Variants in RBFOX3 observed in about 807,000 individuals in gnomAD.
RBFOX3 encodes RNA binding protein fox-1 homolog 3.
In RBFOX3, 17 loss-of-function variants were observed where a neutral mutation model predicts 48.7. The observed-to-expected ratio is 0.35, with a 90% CI of 0.24 to 0.52. The LOEUF (loss-of-function observed/expected upper bound fraction) is 0.52. Ranked by LOEUF, RBFOX3 falls within the 20% of genes least tolerant of loss-of-function variation. The pLI is 0.94. For synonymous variants in RBFOX3, 212 were observed against 209.5 expected (o/e 1.01, Z -0.10); for missense variants, 382 against 497.5 (o/e 0.77, Z 2.21).
chr17:79,605,867 C>T (rs2093817408), intron 1 of RBFOX3, among the ~76,000 whole-genome samples: 1 of 152,156 alleles, frequency 6.6e-6, no homozygotes, highest in African/African-American at 2.4e-5. Context: ...CGAGCCCTGG[C>T]CCCAACCTAC....
At position 79,280,187 on chromosome 17, in the gene RBFOX3, C is replaced by T. The variant is rs368055638; in HGVS notation, c.-74+27537G>A. 3.6e-3 allele frequency among the ~76,000 whole-genome samples: 541 copies of T among 150,916 alleles called. 4 individuals are homozygous for T. Among genetic ancestry groups the T allele is most frequent in the African/African-American group, 0.013 (523 of 40,988 alleles). ...CGCACACACCACTCACACACACATG[C>T]ACACTTATACACACCACACACTCAC... On this transcript the variant is annotated intron_variant, in intron 3 of 14. Transcript: ENST00000693108.
chr17:79,236,603 C>T (rs2061667846), intron 3 of RBFOX3, among the ~76,000 whole-genome samples: 1 of 152,176 alleles, frequency 6.6e-6, no homozygotes, highest in Admixed American at 6.5e-5. Flanking sequence ...TAAATCCCAC[C>T]AAACACATAA....
intron 4 of RBFOX3, among the ~76,000 whole-genome samples, chr17:79,177,467 C>T (rs1408550434): frequency 1.3e-5 from 2 of 152,182 alleles, no homozygotes; most frequent in African/African-American, 4.8e-5. Context: ...TGCATGGCTG[C>T]AGCGTTCTCC....
chr17:79,445,298 C>T (rs1002386161), intron 2 of RBFOX3, among the ~76,000 whole-genome samples: 2 of 152,076 alleles, frequency 1.3e-5, no homozygotes, highest in Non-Finnish European at 2.9e-5. Context: ...GTCCCACTGC[C>T]CAGTGGGAAT....
At chr17:79,321,920 G>C (rs972915292) in intron 2 of RBFOX3, among the ~76,000 whole-genome samples, 4 of 152,120 alleles carry the variant, frequency 2.6e-5, no homozygotes. Flanking sequence ...TGGCCAGACT[G>C]GTCTTGAACT....
At chr17:79,501,234 C>T (rs2082338051) in intron 1 of RBFOX3, among the ~76,000 whole-genome samples, 1 of 152,214 alleles carries the variant, frequency 6.6e-6, no homozygotes, top group Admixed American at 6.5e-5. Flanking sequence ...TTGAGCAATA[C>T]GCTCCAGCCT....
At chr17:79,578,048 T>C (rs980543099) in intron 1 of RBFOX3, among the ~76,000 whole-genome samples, 1 of 152,208 alleles carries the variant, frequency 6.6e-6, no homozygotes, top group Non-Finnish European at 1.5e-5. Context: ...GTGTCCTCAC[T>C]TCCTCGGCCT....
intron 1 of RBFOX3, among the ~76,000 whole-genome samples, chr17:79,597,279 C>T (rs1240267046): frequency 1.3e-5 from 2 of 152,192 alleles, no homozygotes; most frequent in Admixed American, 6.5e-5. Flanking sequence ...CTGGTCTTGC[C>T]AGCCCAGCTG....
chr17:79,370,137 A>G (rs1485006345), intron 2 of RBFOX3, among the ~76,000 whole-genome samples: 1 of 152,198 alleles, frequency 6.6e-6, no homozygotes, highest in African/African-American at 2.4e-5. Flanking sequence ...TCATCACCAG[A>G]GCACCTCTCT....
chr17:79,169,940 GAAAGAAGGA>G (rs888652729), intron 4 of RBFOX3, among the ~76,000 whole-genome samples: 1 of 151,718 alleles, frequency 6.6e-6, no homozygotes, highest in Non-Finnish European at 1.5e-5. Flanking sequence ...AGAAGAGAAG[GAAAGAAGGA>G]AAAGAAGGAA....
At chr17:79,486,007 G>A (rs896082930) in intron 1 of RBFOX3, among the ~76,000 whole-genome samples, 33 of 152,266 alleles carry the variant, frequency 2.2e-4, no homozygotes, top group African/African-American at 7.2e-4. Flanking sequence ...GGCCCCCTCC[G>A]CGTGCGCTCC....
chr17:79,383,069 C>T (rs894985983), intron 2 of RBFOX3, among the ~76,000 whole-genome samples: 1 of 144,144 alleles, frequency 6.9e-6, no homozygotes, highest in South Asian at 2.3e-4. Context: ...CACACACACA[C>T]ACACAGTGTG....
Position 79,249,870 on chromosome 17 carries a change from C to CT in RBFOX3, c.-73-14066dup, listed in dbSNP as rs963490776. ...GCCAGTCATTTCTGTATCTGTGTGT[C>CT]TTTTTTACCCCATTAAAACAAATTC... On this transcript the variant is annotated intron_variant, in intron 3 of 14. Coordinates refer to ENST00000693108, the MANE Select transcript of RBFOX3 (RefSeq NM_001350451.2). This position sits in a 1 kb window ranked among gnomAD's most constrained non-coding sequence, Gnocchi z 4.1. 1.3e-5 allele frequency among the ~76,000 whole-genome samples: 2 copies of CT among 152,152 alleles called. No homozygotes were observed. Among genetic ancestry groups the CT allele is most frequent in the African/African-American group, 2.4e-5 (1 of 41,418 alleles).
rs1238553752 is a variant in RBFOX3 at position 79,111,925 on chromosome 17, C to A, written c.222+3569G>T. 6.6e-6 allele frequency among the ~76,000 whole-genome samples: 1 copy of A among 152,194 alleles called. No individual in the cohort carries two copies. Among genetic ancestry groups the A allele is most frequent in the Non-Finnish European group, 1.5e-5 (1 of 68,046 alleles). ...CCGCAGCCCCTCATCGCACTCTGTA[C>A]CCTTTGCTGCTTTTGTCCAGAGAAG... On this transcript the variant is annotated intron_variant, in intron 5 of 14. Coordinates refer to ENST00000693108, the MANE Select transcript of RBFOX3 (RefSeq NM_001350451.2). The surrounding 1 kb of genome is among the most constrained non-coding windows in gnomAD (Gnocchi z 4.2).
chr17:79,447,396 C>A (rs1299277584), intron 2 of RBFOX3, among the ~76,000 whole-genome samples: 2 of 152,184 alleles, frequency 1.3e-5, no homozygotes, highest in Non-Finnish European at 2.9e-5. Flanking sequence ...TCCACAGATG[C>A]CGTGTTTGCT....
intron 4 of RBFOX3, chr17:79,234,862 C>T (rs1006568367): frequency 6.6e-6 from 1 of 150,508 alleles, no homozygotes; most frequent in Non-Finnish European, 1.5e-5. Context: ...CTACCAGTAG[C>T]TGGGACTACA....
At chr17:79,551,531 A>ATGGGTGGG (rs2091151227) in intron 1 of RBFOX3, among the ~76,000 whole-genome samples, 1 of 17,848 alleles carries the variant, frequency 5.6e-5, no homozygotes, top group Non-Finnish European at 4.6e-4. Flanking sequence ...GGATGGATGG[A>ATGGGTGGG]CGGGTGGGTG....
At chr17:79,302,564 C>T (rs2075483955) in intron 3 of RBFOX3, among the ~76,000 whole-genome samples, 1 of 152,102 alleles carries the variant, frequency 6.6e-6, no homozygotes, top group Non-Finnish European at 1.5e-5. Context: ...GCCTGTAATC[C>T]CAGCTACTTG....
At chr17:79,226,070 G>T (rs991893899) in intron 4 of RBFOX3, among the ~76,000 whole-genome samples, 4 of 152,130 alleles carry the variant, frequency 2.6e-5, no homozygotes, top group African/African-American at 9.7e-5. Flanking sequence ...GGCTTTCTGG[G>T]GAGAATATTC....
Sources: allele counts gnomAD v4.1 joint callset (sites outside exome capture counted in the v4.1 genomes callset), GRCh38; gene constraint gnomAD v4.1.1; non-coding constraint Gnocchi (gnomAD v3.1); transcripts MANE v1.5; gene names NCBI Gene and HGNC (gene_info 2026-07-23, HGNC 2026-07-21).